Variants in GPC6 observed in about 807,000 individuals in gnomAD.
GPC6 encodes glypican-6.
GPC6 carries 14 observed loss-of-function variants against 55.2 expected under a neutral mutation model. That is an observed-to-expected ratio of 0.25 (90% CI 0.17 to 0.40). GPC6 has a LOEUF of 0.40. GPC6 is among the 10% of genes least tolerant of loss of function. The probability of loss-of-function intolerance (pLI) is 1.00; values close to 1 mark genes in which losing one functional copy is unlikely to be tolerated. For synonymous variants in GPC6, 278 were observed against 259.6 expected (o/e 1.07, Z -0.68); for missense variants, 641 against 708.5 (o/e 0.90, Z 1.08).
chr13:93,225,848 G>A (rs1875759951), upstream of GPC6, among the ~76,000 whole-genome samples: 1 of 152,140 alleles, frequency 6.6e-6, no homozygotes. Context: ...ATAATGTGCT[G>A]ACCTATGACA....
intron 3 of GPC6, among the ~76,000 whole-genome samples, chr13:93,889,816 C>T (rs1234267058): frequency 6.6e-6 from 1 of 152,078 alleles, no homozygotes; most frequent in African/African-American, 2.4e-5. Context: ...TATGGAGTCA[C>T]TCCTCTGAAC....
intron 1 of GPC6, among the ~76,000 whole-genome samples, chr13:93,302,058 CTG>C (rs1878699767): frequency 6.6e-6 from 1 of 152,130 alleles, no homozygotes; most frequent in Non-Finnish European, 1.5e-5. Flanking sequence ...AATTGGGTCA[CTG>C]TATATTTTTC....
intron 4 of GPC6, among the ~76,000 whole-genome samples, chr13:94,255,666 T>G (rs1594102749): frequency 6.6e-6 from 1 of 152,162 alleles, no homozygotes; most frequent in Middle Eastern, 3.4e-3. Flanking sequence ...CCTCATAACT[T>G]CAGCTCCAGC....
chr13:93,832,023 G>A (rs1887520130), intron 3 of GPC6, among the ~76,000 whole-genome samples: 1 of 142,382 alleles, frequency 7.0e-6, no homozygotes, highest in African/African-American at 2.6e-5. Context: ...CTGGGAGGCG[G>A]GGCTTGCAGT....
At chr13:93,705,892 G>T (rs1243271655) in intron 2 of GPC6, among the ~76,000 whole-genome samples, 1 of 141,880 alleles carries the variant, frequency 7.0e-6, no homozygotes, top group African/African-American at 2.7e-5. Flanking sequence ...TAATTTTCTT[G>T]TAATTATGTA....
At chr13:93,563,550 C>A (rs1594270387) in intron 2 of GPC6, among the ~76,000 whole-genome samples, 1 of 152,176 alleles carries the variant, frequency 6.6e-6, no homozygotes, top group East Asian at 1.9e-4. Flanking sequence ...GAGCTCACAT[C>A]TGTAGCTTGA....
chr13:93,915,789 T>C (rs1169968909), intron 3 of GPC6, among the ~76,000 whole-genome samples: 1 of 152,218 alleles, frequency 6.6e-6, no homozygotes, highest in Non-Finnish European at 1.5e-5. Context: ...TTGACCACCC[T>C]CTTATTTTTC....
At chr13:94,005,769 C>G (rs965857339) in intron 3 of GPC6, among the ~76,000 whole-genome samples, 6 of 152,162 alleles carry the variant, frequency 3.9e-5, no homozygotes, top group Non-Finnish European at 7.3e-5. Context: ...CCATCCCGTT[C>G]CATCTGGCTT....
intron 3 of GPC6, among the ~76,000 whole-genome samples, chr13:93,849,393 A>G (rs147267574): frequency 3.4e-4 from 52 of 152,242 alleles, no homozygotes; most frequent in African/African-American, 1.2e-3. Context: ...GTTGTTACCC[A>G]ACAGAGTGGT....
At chr13:93,801,186 ATAT>A (rs1308962373) in intron 2 of GPC6, among the ~76,000 whole-genome samples, 1 of 152,170 alleles carries the variant, frequency 6.6e-6, no homozygotes, top group Non-Finnish European at 1.5e-5. Flanking sequence ...CAGCAGGCAG[ATAT>A]TGTTGTTCTA....
chr13:94,258,539 G>T (rs1473581516), intron 4 of GPC6, among the ~76,000 whole-genome samples: 1 of 152,114 alleles, frequency 6.6e-6, no homozygotes, highest in East Asian at 1.9e-4. Flanking sequence ...AGTATCTTCT[G>T]TTGCTCCCAC....
intron 2 of GPC6, among the ~76,000 whole-genome samples, chr13:93,584,197 CAT>C (rs1877079603): frequency 6.6e-6 from 1 of 152,134 alleles, no homozygotes; most frequent in African/African-American, 2.4e-5. Context: ...ATCGAAGAAA[CAT>C]AGATCAAAGA....
intron 4 of GPC6, among the ~76,000 whole-genome samples, chr13:94,258,488 C>G (rs760087325): frequency 4.6e-5 from 7 of 152,176 alleles, no homozygotes; most frequent in Non-Finnish European, 8.8e-5. Flanking sequence ...AAACATACAC[C>G]AATAATTGCA....
chr13:94,174,347 A>C (rs1039398553), intron 4 of GPC6, among the ~76,000 whole-genome samples: 2 of 152,182 alleles, frequency 1.3e-5, no homozygotes, highest in African/African-American at 2.4e-5. Flanking sequence ...TTTTAGAATA[A>C]TGAAGAAATA....
chr13:93,779,558 T>A (rs1023412590), intron 2 of GPC6, among the ~76,000 whole-genome samples: 2 of 152,306 alleles, frequency 1.3e-5, no homozygotes, highest in Non-Finnish European at 1.5e-5. Context: ...CATTTCACTG[T>A]TATCCATCAC....
chr13:93,547,174 C>CAAAAAAAAAA (rs55697128), intron 2 of GPC6, among the ~76,000 whole-genome samples: 2 of 129,080 alleles, frequency 1.5e-5, no homozygotes, highest in African/African-American at 2.8e-5. Flanking sequence ...ACTAAAAATA[C>CAAAAAAAAAA]AAAAAAAAAA....
At chr13:93,236,285 A>G (rs549800964) in intron 1 of GPC6, among the ~76,000 whole-genome samples, 67 of 152,264 alleles carry the variant, frequency 4.4e-4, no homozygotes, top group African/African-American at 1.4e-3. Context: ...GGTTACATGG[A>G]TGAATTATAT....
intron 1 of GPC6, among the ~76,000 whole-genome samples, chr13:93,260,827 T>C (rs921548146): frequency 1.3e-5 from 2 of 152,066 alleles, no homozygotes; most frequent in Non-Finnish European, 2.9e-5. Context: ...TCAAAAAGCA[T>C]TTGGAAAATA....
chr13:94,032,913 G>A lies in GPC6; in HGVS notation c.877+5019G>A, dbSNP rs535019283. Among the ~76,000 whole-genome samples the A allele has an allele frequency of 4.6e-5, 7 of 152,258 alleles. No individual in the cohort carries two copies. The South Asian group carries it at 8.3e-4, about 18-fold the overall frequency. On this transcript the variant is annotated intron_variant, in intron 4 of 8. Transcript: ENST00000377047. ...TGGCAGGCCGAGAGACCCTGAAGTGGGCACTATTCACTGATTCTGTCACAT... is the reference window on the plus strand; with the variant it reads ...TGGCAGGCCGAGAGACCCTGAAGTGAGCACTATTCACTGATTCTGTCACAT...
Sources: allele counts gnomAD v4.1 joint callset (sites outside exome capture counted in the v4.1 genomes callset), GRCh38; gene constraint gnomAD v4.1.1; transcripts MANE v1.5; gene names NCBI Gene and HGNC (gene_info 2026-07-23, HGNC 2026-07-21).